LRRC1: variants seen among roughly 807,000 people sequenced by gnomAD.
LRRC1 encodes the protein leucine-rich repeat-containing protein 1.
Under a neutral mutation model 69.9 loss-of-function variants are expected in LRRC1, and 28 were observed. That is an observed-to-expected ratio of 0.40 (90% CI 0.30 to 0.55). The LOEUF is 0.55. LRRC1 is among the 20% of genes least tolerant of loss of function. The pLI is 0.47. For missense variants in LRRC1, 498 were observed against 609.0 expected (o/e 0.82, Z 1.92); for synonymous variants, 236 against 240.2 (o/e 0.98, Z 0.16).
At chr6:53,918,821 C>G (rs974421755) in intron 11 of LRRC1, among the ~76,000 whole-genome samples, 1 of 152,174 alleles carries the variant, frequency 6.6e-6, no homozygotes, top group African/African-American at 2.4e-5. Context: ...TTCATTTATA[C>G]TACCTCATTT....
chr6:53,862,128 T>C (rs1443383936), intron 2 of LRRC1, among the ~76,000 whole-genome samples: 2 of 152,224 alleles, frequency 1.3e-5, no homozygotes, highest in East Asian at 3.8e-4. Context: ...AATTCTGGTA[T>C]GAACATACCA....
intron 4 of LRRC1, among the ~76,000 whole-genome samples, chr6:53,884,404 G>C (rs912532032): frequency 6.6e-5 from 10 of 152,150 alleles, no homozygotes; most frequent in Non-Finnish European, 1.3e-4. Context: ...CTACTTGGAA[G>C]GTTGAGGAGG....
chr6:53,879,188 A>G lies in LRRC1; in HGVS notation c.356+117A>G, dbSNP rs1276104109. On this transcript the variant is annotated intron_variant, in intron 3 of 13. Coordinates refer to ENST00000370888, the MANE Select transcript of LRRC1 (RefSeq NM_018214.5). ...GGTACCTAGATGGATCACTGTCTTTATCAAGGATGGTTGACTTTCACAGAT... is the reference window on the plus strand; with the variant it reads ...GGTACCTAGATGGATCACTGTCTTTGTCAAGGATGGTTGACTTTCACAGAT... 12 of 654,554 alleles carry G rather than the reference A, an allele frequency of 1.8e-5. No homozygotes were observed. In the Middle Eastern group the frequency reaches 1.1e-3, roughly 59 times the overall value. 40.5% of individuals were successfully genotyped at this position (654,554 alleles called of 1,614,324 possible). A position where few individuals can be genotyped will look rare whatever the true frequency, so the allele number is the denominator to read the frequency against.
chr6:53,796,348 A>G (rs987109050), intron 1 of LRRC1, among the ~76,000 whole-genome samples: 1 of 152,158 alleles, frequency 6.6e-6, no homozygotes, highest in African/African-American at 2.4e-5. Context: ...TAGCTAGAGT[A>G]ACCCCTCGGG....
chr6:53,795,988 G>A (rs977562394), intron 1 of LRRC1, among the ~76,000 whole-genome samples: 16 of 150,712 alleles, frequency 1.1e-4, no homozygotes, highest in African/African-American at 3.7e-4. Context: ...CGGTGGCTGC[G>A]GGGGTGGACG....
chr6:53,849,596 G>A (rs145739064), intron 2 of LRRC1, among the ~76,000 whole-genome samples: 530 of 152,306 alleles, frequency 3.5e-3, no homozygotes, highest in African/African-American at 0.012. Flanking sequence ...TCGCACCACT[G>A]CAAACAGCGC....
intron 2 of LRRC1, among the ~76,000 whole-genome samples, chr6:53,850,973 C>T (rs1456189033): frequency 1.3e-5 from 2 of 152,070 alleles, no homozygotes; most frequent in Admixed American, 6.5e-5. Flanking sequence ...ACTCTATGGC[C>T]AATTTTATGC....
At chr6:53,813,491 T>C (rs1394626741) in intron 1 of LRRC1, among the ~76,000 whole-genome samples, 1 of 151,272 alleles carries the variant, frequency 6.6e-6, no homozygotes, top group Non-Finnish European at 1.5e-5. Context: ...CCTGCCCAAC[T>C]TTACCAGCTG....
intron 5 of LRRC1, 36 bp downstream of exon 5, chr6:53,896,590 C>G (rs770242997): frequency 3.9e-6 from 6 of 1,548,850 alleles, no homozygotes; most frequent in Admixed American, 3.4e-5. Context: ...AGATTTTGTG[C>G]AGAATGAATT....
At chr6:53,843,517 C>T (rs7763081) in intron 2 of LRRC1, among the ~76,000 whole-genome samples, 126,269 of 152,242 alleles carry the variant, frequency 0.83, 52,582 homozygotes, top group East Asian at 0.96. Context: ...TGACATTCTT[C>T]TATTTTGCAT....
intron 2 of LRRC1, among the ~76,000 whole-genome samples, chr6:53,851,478 C>T (rs955050966): frequency 1.3e-5 from 2 of 152,010 alleles, no homozygotes; most frequent in African/African-American, 4.8e-5. Flanking sequence ...CAAATTCCTC[C>T]TCCTTCCATC....
chr6:53,877,660 C>T (rs932715497), intron 2 of LRRC1, among the ~76,000 whole-genome samples: 2 of 152,194 alleles, frequency 1.3e-5, no homozygotes, highest in Admixed American at 1.3e-4. Flanking sequence ...TGCTGCCAGT[C>T]TCTTTGCTAA....
intron 1 of LRRC1, among the ~76,000 whole-genome samples, chr6:53,828,661 A>G (rs1041092254): frequency 6.6e-6 from 1 of 152,152 alleles, no homozygotes; most frequent in Non-Finnish European, 1.5e-5. Flanking sequence ...TTTACATGCT[A>G]TGTTTGGATA....
At chr6:53,914,079 C>A in intron 11 of LRRC1, 110 bp downstream of exon 11, 1 of 707,276 alleles carries the variant, frequency 1.4e-6, no homozygotes. Context: ...AGAATATAAT[C>A]CTGATTTTTC....
chr6:53,857,953 A>C (rs1355750132), intron 2 of LRRC1, among the ~76,000 whole-genome samples: 1 of 152,182 alleles, frequency 6.6e-6, no homozygotes, highest in Non-Finnish European at 1.5e-5. Flanking sequence ...TTAATGGAGG[A>C]ATTTCATAAC....
At chr6:53,828,682 T>A (rs1384434902) in intron 1 of LRRC1, among the ~76,000 whole-genome samples, 1 of 152,252 alleles carries the variant, frequency 6.6e-6, no homozygotes, top group African/African-American at 2.4e-5. Context: ...GTAGCTTGAA[T>A]ACTTGGTAGA....
chr6:53,802,263 G>A (rs1764507635), intron 1 of LRRC1, among the ~76,000 whole-genome samples: 1 of 152,294 alleles, frequency 6.6e-6, no homozygotes, highest in South Asian at 2.1e-4. Context: ...AGAGAATAGA[G>A]TCCGGGAGAC....
chr6:53,920,152 G>A (rs553601446), intron 12 of LRRC1, among the ~76,000 whole-genome samples: 57 of 152,282 alleles, frequency 3.7e-4, no homozygotes, highest in East Asian at 1.9e-4. Flanking sequence ...GAGGAGAACC[G>A]GAGTGTCCTG....
chr6:53,844,855 G>A (rs1002682442), intron 2 of LRRC1, among the ~76,000 whole-genome samples: 4 of 152,164 alleles, frequency 2.6e-5, no homozygotes, highest in Middle Eastern at 3.2e-3. Context: ...GGATGTGGGG[G>A]TAGAGGGGAA....
Sources: allele counts gnomAD v4.1 joint callset (sites outside exome capture counted in the v4.1 genomes callset), GRCh38; gene constraint gnomAD v4.1.1; transcripts MANE v1.5; gene names NCBI Gene and HGNC (gene_info 2026-07-23, HGNC 2026-07-21).